STAG1: variants seen among roughly 807,000 people sequenced by gnomAD.
STAG1 encodes cohesin subunit SA-1.
A neutral mutation model predicts 170.9 loss-of-function variants in STAG1; 26 were observed. That is an observed-to-expected ratio of 0.15 (90% CI 0.11 to 0.21). The LOEUF is 0.21. Ranked by LOEUF, STAG1 falls within the 10% of genes least tolerant of loss-of-function variation. The pLI is 1.00. For missense variants in STAG1, 964 were observed against 1,509.5 expected, an observed-to-expected ratio of 0.64 and a Z score of 5.99; for synonymous variants, 514 against 497.7, an observed-to-expected ratio of 1.03 and a Z score of -0.44.
chr3:136,578,432 G>A (rs1228102736), intron 4 of STAG1, among the ~76,000 whole-genome samples: 2 of 152,158 alleles, frequency 1.3e-5, no homozygotes, highest in Non-Finnish European at 2.9e-5. Flanking sequence ...TTTAGGCCTG[G>A]TAGGCAGAAA....
chr3:136,623,682 C>T (rs976817135), intron 2 of STAG1, among the ~76,000 whole-genome samples: 11 of 152,000 alleles, frequency 7.2e-5, no homozygotes, highest in Middle Eastern at 3.4e-3. Context: ...CGGCCGGGCA[C>T]GGTGGCTCAT....
intron 5 of STAG1, among the ~76,000 whole-genome samples, chr3:136,558,286 G>C (rs528552023): frequency 1.1e-4 from 17 of 152,296 alleles, no homozygotes; most frequent in South Asian, 6.2e-4. Context: ...CAGCTACTAG[G>C]GGGGCTGAAA....
At chr3:136,433,163 A>G (rs549630118) in intron 16 of STAG1, among the ~76,000 whole-genome samples, 157 of 152,244 alleles carry the variant, frequency 1.0e-3, no homozygotes, top group African/African-American at 3.3e-3. Flanking sequence ...TACTAGTCCC[A>G]TATTACAGAT....
intron 20 of STAG1, among the ~76,000 whole-genome samples, chr3:136,420,244 C>CAAAAAAAAAA (rs71157379): frequency 2.7e-5 from 1 of 36,956 alleles, no homozygotes; most frequent in Non-Finnish European, 5.3e-5. Context: ...GAGACTCTGT[C>CAAAAAAAAAA]AAAAAAAAAA....
At chr3:136,478,516 T>C (rs2089821832) in intron 9 of STAG1, among the ~76,000 whole-genome samples, 2 of 152,224 alleles carry the variant, frequency 1.3e-5, no homozygotes, top group Non-Finnish European at 1.5e-5. Flanking sequence ...TCAAGGTTTC[T>C]GATTTACCAT....
chr3:136,437,965 G>T (rs2088506484), intron 15 of STAG1, among the ~76,000 whole-genome samples: 1 of 152,122 alleles, frequency 6.6e-6, no homozygotes, highest in African/African-American at 2.4e-5. Context: ...CTTAAAATAT[G>T]CATTGGATCA....
chr3:136,676,481 C>G (rs1279566088), intron 1 of STAG1, among the ~76,000 whole-genome samples: 1 of 152,116 alleles, frequency 6.6e-6, no homozygotes, highest in East Asian at 1.9e-4. Flanking sequence ...GGGTCTTGTT[C>G]TGTCACCCAG....
At chr3:136,722,865 T>C (rs1291128452) in intron 1 of STAG1, among the ~76,000 whole-genome samples, 3 of 152,196 alleles carry the variant, frequency 2.0e-5, no homozygotes, top group African/African-American at 4.8e-5. Context: ...CTGGTTTTCG[T>C]ATTTTTTTGG....
intron 4 of STAG1, among the ~76,000 whole-genome samples, chr3:136,575,309 A>G (rs1234145976): frequency 6.6e-6 from 1 of 152,122 alleles, no homozygotes; most frequent in Non-Finnish European, 1.5e-5. Context: ...ATTGTAGCCT[A>G]AATCTCCCAG....
chr3:136,603,594 G>A (rs1394782671), intron 4 of STAG1, among the ~76,000 whole-genome samples: 2 of 152,058 alleles, frequency 1.3e-5, no homozygotes, highest in East Asian at 1.9e-4. Flanking sequence ...AAAAGAGTAA[G>A]AAAGTTATGG....
At chr3:136,609,566 A>G (rs1332038971) in intron 3 of STAG1, 1 of 153,444 alleles carries the variant, frequency 6.5e-6, no homozygotes, top group Non-Finnish European at 1.5e-5. Flanking sequence ...AGAAGAGTCC[A>G]GCTTCTGGTG....
chr3:136,665,112 A>G (rs1015577596), intron 1 of STAG1, among the ~76,000 whole-genome samples: 2 of 152,216 alleles, frequency 1.3e-5, no homozygotes, highest in Non-Finnish European at 2.9e-5. Flanking sequence ...TTATTTTGGA[A>G]GAAGTAAACT....
intron 28 of STAG1, among the ~76,000 whole-genome samples, chr3:136,350,185 G>C (rs1425698694): frequency 6.6e-6 from 1 of 151,660 alleles, no homozygotes; most frequent in Non-Finnish European, 1.5e-5. Context: ...AACAGCAAAA[G>C]TTTTGTAGCA....
intron 3 of STAG1, among the ~76,000 whole-genome samples, chr3:136,622,643 C>G (rs766980258): frequency 1.3e-4 from 20 of 152,128 alleles, no homozygotes; most frequent in Non-Finnish European, 2.5e-4. Context: ...AACCCCTTGA[C>G]AAGCAGATAA....
At chr3:136,401,401 A>G (rs1357304377) in intron 21 of STAG1, among the ~76,000 whole-genome samples, 1 of 152,200 alleles carries the variant, frequency 6.6e-6, no homozygotes, top group African/African-American at 2.4e-5. Flanking sequence ...TGATGCTCTA[A>G]GAATAGGACT....
At chr3:136,677,227 T>C (rs1942154011) in intron 1 of STAG1, among the ~76,000 whole-genome samples, 1 of 152,226 alleles carries the variant, frequency 6.6e-6, no homozygotes, top group Non-Finnish European at 1.5e-5. Flanking sequence ...CATACTTTTA[T>C]TGTAAGACTG....
intron 6 of STAG1, among the ~76,000 whole-genome samples, chr3:136,522,427 G>C (rs1289170062): frequency 6.6e-6 from 1 of 151,578 alleles, no homozygotes; most frequent in African/African-American, 2.4e-5. Context: ...GTGTAGATTG[G>C]AGAAGTTACA....
intron 1 of STAG1, among the ~76,000 whole-genome samples, chr3:136,726,434 G>C (rs925217776): frequency 4.6e-5 from 7 of 152,160 alleles, no homozygotes; most frequent in African/African-American, 1.7e-4. Context: ...AGAAGAATAT[G>C]TTTTGTTTTG....
intron 4 of STAG1, among the ~76,000 whole-genome samples, chr3:136,574,230 A>C (rs1005388111): frequency 6.6e-6 from 1 of 151,928 alleles, no homozygotes; most frequent in African/African-American, 2.4e-5. Flanking sequence ...GACATGAGCG[A>C]AACTCTGTCC....
Sources: allele counts gnomAD v4.1 joint callset (sites outside exome capture counted in the v4.1 genomes callset), GRCh38; gene constraint gnomAD v4.1.1; transcripts MANE v1.5; gene names NCBI Gene and HGNC (gene_info 2026-07-23, HGNC 2026-07-21).